Variants in ADAM33 observed in about 807,000 individuals in gnomAD.
ADAM33 encodes disintegrin and metalloproteinase domain-containing protein 33.
ADAM33 carries 103 observed loss-of-function variants against 106.2 expected under a neutral mutation model. That is an observed-to-expected ratio of 0.97 (90% CI 0.83 to 1.14). The LOEUF is 1.14. Among genes scored for constraint, ADAM33 ranks in the 50% most tolerant of loss-of-function variants. The pLI is 0.00. For missense variants in ADAM33, 1,120 were observed against 1,096.6 expected (o/e 1.02, Z -0.30); for synonymous variants, 483 against 453.0 (o/e 1.07, Z -0.84).
In ADAM33 at chr20:3,681,992, G is replaced by C. The variant is rs1332855519; in HGVS notation, c.13C>G (p.Pro5Ala). 6.5e-7 allele frequency: 1 copy of C among 1,534,710 alleles called. No individual in the cohort carries two copies. Among genetic ancestry groups the C allele is most frequent in the Middle Eastern group, 1.7e-4 (1 of 5,906 alleles). The change falls in exon 1 of 22, where the codon CCC becomes GCC. Residue 5 changes from proline to alanine, a missense_variant. Transcript: ENST00000356518. ...AACGGGGTCCCCCGAGCTCTCCGGG[G>C]CCTCCAGCCCATAGCTGTGAGCTCC... MGWR[P>A]RRARGTPLLL...
At chr20:3,673,945 G>A (rs1346595005) in intron 8 of ADAM33, 34 bp from the exon 9 acceptor site, 2 of 1,574,278 alleles carry the variant, frequency 1.3e-6, no homozygotes, top group Non-Finnish European at 1.7e-6. Flanking sequence ...CCGGGACAGG[G>A]CGCCCCATCG....
intron 3 of ADAM33, 83 bp downstream of exon 3, chr20:3,676,984 C>T: frequency 1.4e-6 from 2 of 1,456,704 alleles, no homozygotes; most frequent in Admixed American, 4.0e-5. Flanking sequence ...TCTGCCCATC[C>T]AGCCACCCGC....
rs754661606 is a variant in ADAM33, at chr20:3,673,751, A to G, written c.899T>C (p.Leu300Pro). 7.3e-6 allele frequency: 11 copies of G among 1,507,782 alleles called. No homozygotes were observed. In the South Asian group the frequency reaches 1.4e-4, roughly 19 times the overall value. The allele number at this position is 1,507,782 out of a possible 1,614,324, so 93.4% of individuals were successfully genotyped here. A position where few individuals can be genotyped will look rare whatever the true frequency, so the allele number is the denominator to read the frequency against. Residue 300 changes from leucine (L) to proline (P), a missense_variant, in exon 9 of 22, where the codon CTG becomes CCG. By Grantham distance (98) the Leu-to-Pro change is moderately conservative. Coordinates refer to ENST00000356518, the MANE Select transcript of ADAM33 (RefSeq NM_025220.5). ...CCGGGTCAGAGGCACCCACGTGAGCAGCTGCGCGGAGTCGTGGGGCCGCTG... is the reference window on the plus strand; with the variant it reads ...CCGGGTCAGAGGCACCCACGTGAGCGGCTGCGCGGAGTCGTGGGGCCGCTG... ...WAQRPHDSAQLLTGRAFQGAT... is the reference protein window; with the variant it reads ...WAQRPHDSAQPLTGRAFQGAT...
rs1033626972 is a variant in ADAM33, at chr20:3,674,811, G to C, written c.372C>G (p.Pro124=). Residue 124 remains proline (P), a synonymous_variant, in exon 5 of 22, where the codon CCC becomes CCG. Transcript: ENST00000356518. ...CHYQGRVRGF[P]DSWVVLCTCS... is the part of the protein sequence containing the mutation. Reference sequence around the variant, plus strand: ...AGGTGCAGAGGACTACCCAGGAGTCGGGGAAGCCCCTTACTCGCCCTTGGT... The same window carrying C: ...AGGTGCAGAGGACTACCCAGGAGTCCGGGAAGCCCCTTACTCGCCCTTGGT... 13 of 1,611,234 alleles carry C rather than the reference G, an allele frequency of 8.1e-6. No homozygotes were observed. The highest frequency in any genetic ancestry group is 9.3e-6 in the Non-Finnish European group (11 of 1,178,470).
intron 13 of ADAM33, 76 bp from the exon 14 acceptor site, chr20:3,672,405 C>T (rs1009781531): frequency 3.9e-5 from 61 of 1,579,294 alleles, no homozygotes; most frequent in Non-Finnish European, 5.2e-5. Context: ...GAGCGCGGCT[C>T]GGAGCTGGGG....
chr20:3,679,473 G>C lies in ADAM33; in HGVS notation c.177+19C>G. 6.3e-7 allele frequency: 1 copy of C among 1,597,588 alleles called. No homozygotes were observed. Among genetic ancestry groups the C allele is most frequent in the Non-Finnish European group, 8.5e-7 (1 of 1,171,642 alleles). The stretch of plus-strand genomic sequence containing the variant: ...GAGGTTCAGGGCCCCTGTGGAGGGC[G>C]GGGAGACATGGCACTGACCGGCTCC... On this transcript the variant is annotated intron_variant, in intron 2 of 21. Coordinates refer to ENST00000356518, the MANE Select transcript of ADAM33 (RefSeq NM_025220.5).
intron 14 of ADAM33, 30 bp downstream of exon 14, chr20:3,672,104 C>A: frequency 1.3e-6 from 2 of 1,599,308 alleles, no homozygotes; most frequent in Non-Finnish European, 8.5e-7. Flanking sequence ...GGATGGGGGG[C>A]AGGGTGCAAG....
At chr20:3,680,389 C>G (rs1269280884) in intron 1 of ADAM33, among the ~76,000 whole-genome samples, 1 of 152,162 alleles carries the variant, frequency 6.6e-6, no homozygotes. Flanking sequence ...CCCCCCTCCA[C>G]GCAGCCCTGG....
At chr20:3,673,163 C>A in intron 11 of ADAM33, 191 bp downstream of exon 11, 1 of 1,502,886 alleles carries the variant, frequency 6.7e-7, no homozygotes, top group South Asian at 1.3e-5. Flanking sequence ...GGAAAATAAT[C>A]TTCATACCGT....
rs1032569648 is a variant in ADAM33 at position 3,671,937 on chromosome 20, C to G, written c.1646G>C (p.Gly549Ala). Residue 549 changes from glycine (G) to alanine (A), a missense_variant, in exon 15 of 22, where the codon GGA becomes GCA. By Grantham distance (60) the Gly-to-Ala change is moderately conservative. Coordinates refer to ENST00000356518, the MANE Select transcript of ADAM33 (RefSeq NM_025220.5). ...EACFQVVNSA[G>A]DAHGNCGQDS... ...CTGGCCGCAGTTTCCATGAGCATCT[C>G]CCGCAGAGTTCACCACCTGGAAACA... 1 of 1,556,402 alleles carries G rather than the reference C, an allele frequency of 6.4e-7. No individual in the cohort carries two copies. Among genetic ancestry groups the G allele is most frequent in the Non-Finnish European group, 8.7e-7 (1 of 1,149,546 alleles).
In ADAM33 at chr20:3,679,500, C is replaced by T. The variant is rs766723975; in HGVS notation, c.169G>A (p.Glu57Lys). The stretch of plus-strand genomic sequence containing the variant: ...GGAGACATGGCACTGACCGGCTCCT[C>T]CAGGCTGACGGTGCGCCAGGGTTGT... ...DGQPWRTVSLEEPVSKPDMGL... is the reference protein window; with the variant it reads ...DGQPWRTVSLKEPVSKPDMGL... The change falls in exon 2 of 22, where the codon GAG becomes AAG. Residue 57 changes from glutamate (E) to lysine (K), a missense_variant. Coordinates refer to ENST00000356518, the MANE Select transcript of ADAM33 (RefSeq NM_025220.5). 1.9e-6 allele frequency: 3 copies of T among 1,608,218 alleles called. No homozygotes were observed. The highest frequency in any genetic ancestry group is 2.2e-5 in the South Asian group (2 of 89,702).
At position 3,671,072 on chromosome 20, in the gene ADAM33, T is replaced by C. The variant is rs781305143; in HGVS notation, c.2174A>G (p.Tyr725Cys). ...LPGAGLAWCC[Y>C]RLPGAHLQRC... ...CTGCAGATGGGCTCCTGGGAGTCGG[T>C]AGCAACACCAGGCCAGGCCGGCCCC... The change falls in exon 19 of 22, where the codon TAC (tyrosine) becomes TGC (cysteine). Residue 725 changes from tyrosine to cysteine, a missense_variant. By Grantham distance (194) the Tyr-to-Cys change is radical. Coordinates refer to ENST00000356518, the MANE Select transcript of ADAM33 (RefSeq NM_025220.5). The C allele has an allele frequency of 1.3e-6, 2 of 1,576,370 alleles. No individual in the cohort carries two copies. Among genetic ancestry groups the C allele is most frequent in the East Asian group, 4.7e-5 (2 of 42,976 alleles).
Position 3,674,787 on chromosome 20 carries a change from G to C in ADAM33, c.396C>G (p.Thr132=). 1 of 1,609,660 alleles carries C rather than the reference G, an allele frequency of 6.2e-7. No homozygotes were observed. The highest frequency in any genetic ancestry group is 1.1e-5 in the South Asian group (1 of 90,414). The stretch of plus-strand genomic sequence containing the variant: ...CCAGAGCTCACCTCATCCCAGAGCA[G>C]GTGCAGAGGACTACCCAGGAGTCGG... ...GFPDSWVVLC[T]CSGMSGLITL... is the part of the protein sequence containing the mutation. The change falls in exon 5 of 22, where the codon ACC becomes ACG. Residue 132 remains threonine (T), a synonymous_variant. Coordinates refer to ENST00000356518, the MANE Select transcript of ADAM33 (RefSeq NM_025220.5).
Position 3,675,124 on chromosome 20 carries a change from G to A in ADAM33, c.255-19C>T. ...CAGCCTGCTGAGAGGGGGTGTTACA[G>A]GGAACACTGAATTCAGCTTCCTCCT... On this transcript the variant is annotated intron_variant, in intron 3 of 21. Coordinates refer to ENST00000356518, the MANE Select transcript of ADAM33 (RefSeq NM_025220.5). This position sits in a 1 kb window ranked among gnomAD's most constrained non-coding sequence, Gnocchi z 4.1. The A allele has an allele frequency of 1.3e-6, 2 of 1,588,718 alleles. No individual in the cohort carries two copies. The highest frequency in any genetic ancestry group is 2.7e-5 in the African/African-American group (2 of 74,538).
intron 15 of ADAM33, 23 bp downstream of exon 15, chr20:3,671,854 C>G: frequency 6.4e-7 from 1 of 1,551,596 alleles, no homozygotes. Flanking sequence ...CTTCTGCTCC[C>G]TCCACTCAGC....
chr20:3,668,890 C>A lies in ADAM33; in HGVS notation c.*73G>T. ...GTCCGGTGATTCACTGGCTCTGCCCCTGCAGTTCAAGTTCCTGGAGTGGCT... is the reference window on the plus strand; with the variant it reads ...GTCCGGTGATTCACTGGCTCTGCCCATGCAGTTCAAGTTCCTGGAGTGGCT... On this transcript the variant is annotated 3_prime_UTR_variant, in exon 22 of 22. Transcript: ENST00000356518. The A allele has an allele frequency of 1.3e-6, 2 of 1,550,530 alleles. No individual in the cohort carries two copies. The highest frequency in any genetic ancestry group is 3.3e-5 in the Admixed American group (2 of 59,894).
In ADAM33 at chr20:3,671,768, C is replaced by T. The variant is rs915448220; in HGVS notation, c.1718G>A (p.Cys573Tyr). Residue 573 changes from cysteine to tyrosine, a missense_variant, in exon 16 of 22, where the codon TGT becomes TAT. By Grantham distance (194) the Cys-to-Tyr change is radical (BLOSUM62 -2). Coordinates refer to ENST00000356518, the MANE Select transcript of ADAM33 (RefSeq NM_025220.5). ...FLPCAGRDAL[C>Y]GKLQCQGGKP... is the part of the protein sequence containing the mutation. ...TCCACCCTGGCACTGCAGCTTCCCA[C>T]ACAGGGCATCCCTGGGGAGGAAGTA... The T allele has an allele frequency of 3.2e-6, 5 of 1,564,588 alleles. No homozygotes were observed. The highest frequency in any genetic ancestry group is 4.3e-6 in the Non-Finnish European group (5 of 1,154,294).
intron 11 of ADAM33, 82 bp from the exon 12 acceptor site, chr20:3,672,980 G>A: frequency 6.9e-7 from 1 of 1,445,968 alleles, no homozygotes; most frequent in Non-Finnish European, 9.0e-7. Context: ...CCTGGGCTTG[G>A]CTACAGCCGC....
In ADAM33 at chr20:3,673,007, A is replaced by G; in HGVS notation, c.1134-109T>C. 4.2e-6 allele frequency: 6 copies of G among 1,437,982 alleles called. No individual in the cohort carries two copies. The South Asian group carries it at 8.9e-5, about 21-fold the overall frequency. The allele number at this position is 1,437,982 out of a possible 1,614,324, so 89.1% of individuals were successfully genotyped here. A position where few individuals can be genotyped will look rare whatever the true frequency, so the allele number is the denominator to read the frequency against. On this transcript the variant is annotated intron_variant, in intron 11 of 21. Transcript: ENST00000356518. ...TACAGCCGCCAGACGCGCAGAGCCCAGAGAGGGGAAGTAACCCGCGCAAAG... is the reference window on the plus strand; with the variant it reads ...TACAGCCGCCAGACGCGCAGAGCCCGGAGAGGGGAAGTAACCCGCGCAAAG...
Sources: allele counts gnomAD v4.1 joint callset (sites outside exome capture counted in the v4.1 genomes callset), GRCh38; gene constraint gnomAD v4.1.1; non-coding constraint Gnocchi (gnomAD v3.1); transcripts MANE v1.5; gene names NCBI Gene and HGNC (gene_info 2026-07-23, HGNC 2026-07-21).